CPT1A: variants seen among roughly 807,000 people sequenced by gnomAD.
CPT1A encodes the protein carnitine O-palmitoyltransferase 1, liver isoform.
A neutral mutation model predicts 100.8 loss-of-function variants in CPT1A; 64 were observed. The observed-to-expected ratio is 0.63, with a 90% CI of 0.52 to 0.78. The LOEUF (loss-of-function observed/expected upper bound fraction) is 0.78. Ranked by LOEUF, CPT1A falls within the 30% of genes least tolerant of loss-of-function variation. CPT1A has a pLI of 0.00. For missense variants in CPT1A, 802 were observed against 1,034.1 expected, an observed-to-expected ratio of 0.78 and a Z score of 3.08; for synonymous variants, 363 against 396.0, an observed-to-expected ratio of 0.92 and a Z score of 0.99.
chr11:68,837,960 G>A (rs1370084748), intron 1 of CPT1A, among the ~76,000 whole-genome samples: 1 of 152,198 alleles, frequency 6.6e-6, no homozygotes, highest in African/African-American at 2.4e-5. Context: ...GCAGCACTTA[G>A]CCCCGGCTGC....
At chr11:68,771,599 G>A (rs192495849) in intron 14 of CPT1A, among the ~76,000 whole-genome samples, 30 of 152,308 alleles carry the variant, frequency 2.0e-4, no homozygotes, top group African/African-American at 6.3e-4. Context: ...TCTGGTTTAC[G>A]CATAGTGAGC....
chr11:68,820,352 AGT>A (rs1191757407), intron 1 of CPT1A, among the ~76,000 whole-genome samples: 1 of 151,940 alleles, frequency 6.6e-6, no homozygotes, highest in Non-Finnish European at 1.5e-5. Context: ...TTGAAGTCTC[AGT>A]TATCCATGGT....
At position 68,799,337 on chromosome 11, in the gene CPT1A, G is replaced by A. The variant is rs146812915; in HGVS notation, c.574C>T (p.Pro192Ser). The A allele has an allele frequency of 6.2e-7, 1 of 1,613,828 alleles. No individual in the cohort carries two copies. Among genetic ancestry groups the A allele is most frequent in the Non-Finnish European group, 8.5e-7 (1 of 1,179,892 alleles). Residue 192 changes from proline to serine, a missense_variant, in exon 6 of 19, where the codon CCT becomes TCT. Physicochemically the swap from Pro to Ser is moderately conservative, Grantham distance 74. This residue lies in a region of CPT1A where 627 missense variants were observed against 799.3 expected (regional missense o/e 0.78). Coordinates refer to ENST00000265641, the MANE Select transcript of CPT1A (RefSeq NM_001876.4). ...TTGAAGTCTTCTTCCTTCATAAGAG[G>A]CCTCACCGACTGTAGATACTGGGAT... is the stretch of plus-strand genomic sequence containing the variant. ...TVNRYLQSVR[P>S]LMKEEDFKRM... is the part of the protein sequence containing the mutation.
chr11:68,792,375 C>T (rs1411998351), intron 9 of CPT1A, among the ~76,000 whole-genome samples: 2 of 152,202 alleles, frequency 1.3e-5, no homozygotes, highest in East Asian at 3.9e-4. Flanking sequence ...TCAGCTCTGG[C>T]CCTTTCCAGC....
At position 68,755,152 on chromosome 11, in the gene CPT1A, C is replaced by A; in HGVS notation, c.*2492G>T. ...CATTGATAACTGCACTGATGAGCAA[C>A]AATTACATTTGAAACATTTAAAACC... On this transcript the variant is annotated 3_prime_UTR_variant, in exon 19 of 19. Coordinates refer to ENST00000265641, the MANE Select transcript of CPT1A (RefSeq NM_001876.4). 2 of 366,842 alleles carry A rather than the reference C, an allele frequency of 5.5e-6. No individual in the cohort carries two copies. The highest frequency in any genetic ancestry group is 9.4e-5 in the East Asian group (2 of 21,290). The allele number at this position is 366,842 out of a possible 1,614,324, so 22.7% of individuals were successfully genotyped here. A position where few individuals can be genotyped will look rare whatever the true frequency, so the allele number is the denominator to read the frequency against.
At chr11:68,779,407 C>T (rs1340139271) in intron 12 of CPT1A, among the ~76,000 whole-genome samples, 1 of 149,724 alleles carries the variant, frequency 6.7e-6, no homozygotes, top group Admixed American at 6.8e-5. Context: ...AAGAACCTGA[C>T]CGGTGAGTTA....
intron 1 of CPT1A, among the ~76,000 whole-genome samples, chr11:68,838,051 G>C (rs1302660678): frequency 6.6e-6 from 1 of 152,050 alleles, no homozygotes; most frequent in Non-Finnish European, 1.5e-5. Flanking sequence ...CCCGCATCAG[G>C]AGTATGAAGC....
At chr11:68,758,616 C>CTT (rs533259989) in intron 18 of CPT1A, among the ~76,000 whole-genome samples, 8,238 of 138,176 alleles carry the variant, frequency 0.06, 319 homozygotes, top group Middle Eastern at 0.11. Context: ...GATACATTTC[C>CTT]TTTTTTTTTT....
At chr11:68,806,760 T>C (rs1348465351) in intron 4 of CPT1A, among the ~76,000 whole-genome samples, 1 of 151,380 alleles carries the variant, frequency 6.6e-6, no homozygotes, top group African/African-American at 2.4e-5. Context: ...TAAAACCCCG[T>C]CTCTACTAAA....
At chr11:68,842,760 C>T (rs1356090633), upstream of CPT1A, among the ~76,000 whole-genome samples, 1 of 151,894 alleles carries the variant, frequency 6.6e-6, no homozygotes, top group Non-Finnish European at 1.5e-5. Flanking sequence ...CCACCGGTCC[C>T]AGGAGTCTAG....
Position 68,781,944 on chromosome 11 carries a change from C to T in CPT1A, c.1179G>A (p.Arg393=), listed in dbSNP as rs778663572. The stretch of plus-strand genomic sequence containing the variant: ...CACGTCCAAAATAGGCCTGACGACA[C>T]CTGGCCCAGGGAACTCTGCAGTGAA... ...LTAGDRVPWA[R]CRQAYFGRGK... The change falls in exon 11 of 19, where the codon AGG becomes AGA. Residue 393 remains arginine, a synonymous_variant. Transcript: ENST00000265641. 2 of 1,614,166 alleles carry T rather than the reference C, an allele frequency of 1.2e-6. No homozygotes were observed. The highest frequency in any genetic ancestry group is 1.1e-5 in the South Asian group (1 of 91,076).
rs965470307 is a variant in CPT1A, at chr11:68,828,978, G to C, written c.-14+12797C>G. Among the ~76,000 whole-genome samples the C allele has an allele frequency of 5.3e-5, 8 of 152,228 alleles. No homozygotes were observed. The East Asian group carries it at 9.7e-4, about 18-fold the overall frequency. ...AGTCAGCCAGCCCCCCAGGACTTTAGCTTCAACCTGAGCACACTGCACCTG... is the reference window on the plus strand; with the variant it reads ...AGTCAGCCAGCCCCCCAGGACTTTACCTTCAACCTGAGCACACTGCACCTG... On this transcript the variant is annotated intron_variant, in intron 1 of 18. Coordinates refer to ENST00000265641, the MANE Select transcript of CPT1A (RefSeq NM_001876.4).
At chr11:68,805,605 G>A (rs745347379) in intron 4 of CPT1A, among the ~76,000 whole-genome samples, 9 of 152,076 alleles carry the variant, frequency 5.9e-5, no homozygotes, top group Non-Finnish European at 8.8e-5. Context: ...ATCCCGAGGC[G>A]ACCAAGCAGA....
At chr11:68,797,855 G>A (rs1855794198) in intron 6 of CPT1A, among the ~76,000 whole-genome samples, 1 of 152,176 alleles carries the variant, frequency 6.6e-6, no homozygotes, top group East Asian at 1.9e-4. Context: ...GCGGGTGCCT[G>A]TAATCCCAGC....
chr11:68,760,254 A>G lies in CPT1A; in HGVS notation c.2113T>C (p.Tyr705His). 1.2e-6 allele frequency: 2 copies of G among 1,611,866 alleles called. No individual in the cohort carries two copies. The highest frequency in any genetic ancestry group is 1.7e-6 in the Non-Finnish European group (2 of 1,179,482). ...ELFDLENNPE[Y>H]VSSGGGFGPV... ...CCAAAGCCCCCTCCGCTGGACACGTACTCTGGGTTATTCTCCAAGTCAAAC... is the reference window on the plus strand; with the variant it reads ...CCAAAGCCCCCTCCGCTGGACACGTGCTCTGGGTTATTCTCCAAGTCAAAC... Residue 705 changes from tyrosine to histidine, a missense_variant, in exon 17 of 19, where the codon TAC becomes CAC. Tyr to His is a moderately conservative substitution (Grantham distance 83). This residue lies in a region of CPT1A where 627 missense variants were observed against 799.3 expected (regional missense o/e 0.78). Transcript: ENST00000265641.
intron 4 of CPT1A, among the ~76,000 whole-genome samples, chr11:68,805,110 A>G (rs184472228): frequency 2.6e-5 from 4 of 152,248 alleles, no homozygotes; most frequent in African/African-American, 9.6e-5. Flanking sequence ...GCTTCTCTAG[A>G]AATCAGAAAT....
Position 68,760,329 on chromosome 11 carries a change from C to T in CPT1A, c.2038G>A (p.Glu680Lys). The T allele has an allele frequency of 6.2e-7, 1 of 1,610,196 alleles. No individual in the cohort carries two copies. The highest frequency in any genetic ancestry group is 8.5e-7 in the Non-Finnish European group (1 of 1,178,078). ...TGGCTTGTTGATAATCTCCAAGGCT[C>T]AGATAAAACCTATTGAGTGAAACAG... is the stretch of plus-strand genomic sequence containing the variant. ...ESPFLKEVLS[E>K]PWRLSTSQTP... The change falls in exon 17 of 19, where the codon GAG becomes AAG. Residue 680 changes from glutamate (E) to lysine (K), a missense_variant. Physicochemically the swap from Glu to Lys is moderately conservative, Grantham distance 56. Coordinates refer to ENST00000265641, the MANE Select transcript of CPT1A (RefSeq NM_001876.4).
At chr11:68,764,210 GA>G (rs1854720460) in intron 14 of CPT1A, among the ~76,000 whole-genome samples, 1 of 152,218 alleles carries the variant, frequency 6.6e-6, no homozygotes, top group African/African-American at 2.4e-5. Flanking sequence ...GCTGCCCCAA[GA>G]AGGGGCCCGG....
Position 68,807,461 on chromosome 11 carries a change from A to G in CPT1A, c.453+6T>C, listed in dbSNP as rs778796649. On this transcript the variant is annotated splice_donor_region_variant and intron_variant, in intron 4 of 18. Coordinates refer to ENST00000265641, the MANE Select transcript of CPT1A (RefSeq NM_001876.4). ...CCCCTCCACAGCCAGAGGGACACGCAATTACCATCCAGATCTTGGTGGCAC... is the reference window on the plus strand; with the variant it reads ...CCCCTCCACAGCCAGAGGGACACGCGATTACCATCCAGATCTTGGTGGCAC... 2 of 1,613,598 alleles carry G rather than the reference A, an allele frequency of 1.2e-6. No individual in the cohort carries two copies. The highest frequency in any genetic ancestry group is 2.2e-5 in the South Asian group (2 of 90,984).
Sources: gnomAD v4.1 joint callset for allele counts (sites outside exome capture counted in the v4.1 genomes callset) on GRCh38, gnomAD v4.1.1 for gene constraint, gnomAD v4.1.1 regional missense constraint, MANE v1.5 for transcripts, NCBI Gene and HGNC (gene_info 2026-07-23, HGNC 2026-07-21) for gene names.